Variants in ZNF829 observed in about 807,000 individuals in gnomAD.
The protein encoded by ZNF829 is zinc finger protein 829.
A neutral mutation model predicts 35.2 loss-of-function variants in ZNF829; 25 were observed. The ratio of observed to expected loss-of-function variants is 0.71; its 90% CI spans 0.52 to 0.99. The LOEUF is 0.99. ZNF829 is among the 50% of genes least tolerant of loss of function. The probability of loss-of-function intolerance (pLI) is 0.00; values close to 1 mark genes in which losing one functional copy is unlikely to be tolerated. For missense variants in ZNF829, 417 were observed against 515.3 expected, an observed-to-expected ratio of 0.81 and a Z score of 1.85; for synonymous variants, 136 against 163.2, an observed-to-expected ratio of 0.83 and a Z score of 1.27.
chr19:36,915,279 C>A, intron 1 of ZNF829, 28 bp from the exon 2 acceptor site: 1 of 1,588,156 alleles, frequency 6.3e-7, no homozygotes, highest in Non-Finnish European at 8.6e-7. Context: ...GAGTCACAAT[C>A]GCATAGTTGA....
rs2073027276 is a variant in ZNF829, at chr19:36,889,238, G to A, written c.*2254C>T. The A allele has an allele frequency of 6.6e-6, 1 of 152,064 alleles. No homozygotes were observed. Among genetic ancestry groups the A allele is most frequent in the Non-Finnish European group, 1.5e-5 (1 of 68,020 alleles). 9.4% of individuals were successfully genotyped at this position (152,064 alleles called of 1,614,324 possible). A position where few individuals can be genotyped will look rare whatever the true frequency, so the allele number is the denominator to read the frequency against. Reference sequence around the variant, plus strand: ...GATTTTTGTGTCTATTTTCATCAGGGATATTGGCTTGTAGTTTTTTTGTGT... The same window carrying A: ...GATTTTTGTGTCTATTTTCATCAGGAATATTGGCTTGTAGTTTTTTTGTGT... On this transcript the variant is annotated 3_prime_UTR_variant, in exon 6 of 6. Transcript: ENST00000391711.
intron 5 of ZNF829, chr19:36,892,879 C>T: frequency 8.6e-7 from 1 of 1,156,258 alleles, no homozygotes; most frequent in Non-Finnish European, 1.1e-6. Context: ...GCTTGTGGAG[C>T]TCCGACTGCA....
Position 36,916,267 on chromosome 19 carries a change from T to C in ZNF829, c.-341A>G. On this transcript the variant is annotated 5_prime_UTR_variant, in exon 1 of 6. Coordinates refer to ENST00000391711, the MANE Select transcript of ZNF829 (RefSeq NM_001037232.4). This position sits in a 1 kb window ranked among gnomAD's most constrained non-coding sequence, Gnocchi z 5.3. Reference sequence around the variant, plus strand: ...GGGGAACCCGGCCCAAGCCTCACCCTCACACAGGAAAGCAGATGTGTTCTG... The same window carrying C: ...GGGGAACCCGGCCCAAGCCTCACCCCCACACAGGAAAGCAGATGTGTTCTG... 1 of 303,922 alleles carries C rather than the reference T, an allele frequency of 3.3e-6. No individual in the cohort carries two copies. The highest frequency in any genetic ancestry group is 6.1e-6 in the Non-Finnish European group (1 of 164,112). 18.8% of individuals were successfully genotyped at this position (303,922 alleles called of 1,614,324 possible). A position where few individuals can be genotyped will look rare whatever the true frequency, so the allele number is the denominator to read the frequency against.
At chr19:36,908,786 A>C (rs926634523) in intron 3 of ZNF829, among the ~76,000 whole-genome samples, 6 of 152,226 alleles carry the variant, frequency 3.9e-5, no homozygotes, top group Non-Finnish European at 8.8e-5. Flanking sequence ...CAAAAATGAA[A>C]GTTTCTAAAA....
chr19:36,901,938 C>A (rs1192113341), intron 5 of ZNF829: 2 of 760,828 alleles, frequency 2.6e-6, no homozygotes, highest in Non-Finnish European at 4.9e-6. Flanking sequence ...CGCACTGATA[C>A]CAGGCTCAAC....
At chr19:36,897,744 T>C (rs569356525) in intron 5 of ZNF829, among the ~76,000 whole-genome samples, 17 of 152,326 alleles carry the variant, frequency 1.1e-4, no homozygotes, top group Non-Finnish European at 5.9e-5. Context: ...GATTGGATAA[T>C]AGAAAGTCAC....
chr19:36,907,120 T>G (rs976885027), intron 5 of ZNF829: 3 of 139,474 alleles, frequency 2.2e-5, no homozygotes, highest in Non-Finnish European at 4.5e-5. Flanking sequence ...AATGTATATA[T>G]ATATATATAT....
At chr19:36,901,952 G>C in intron 5 of ZNF829, 2 of 758,350 alleles carry the variant, frequency 2.6e-6, no homozygotes, top group Non-Finnish European at 4.9e-6. Context: ...GCTCAACAAA[G>C]CTGTCTGGGC....
chr19:36,891,243 TCA>T lies in ZNF829; in HGVS notation c.*247_*248del, dbSNP rs1244271470. 1 of 403,330 alleles carries T rather than the reference TCA, an allele frequency of 2.5e-6. No individual in the cohort carries two copies. The allele number at this position is 403,330 out of a possible 1,614,324, so 25.0% of individuals were successfully genotyped here. On this transcript the variant is annotated 3_prime_UTR_variant, in exon 6 of 6. Transcript: ENST00000391711. The stretch of plus-strand genomic sequence containing the variant: ...TAGGAAAAAGGCATAGAACAGATCC[TCA>T]GAGTCCTCAGAAGGAACCAAAACGA...
At chr19:36,910,545 TAGC>T (rs746862989) in intron 3 of ZNF829, among the ~76,000 whole-genome samples, 2 of 152,234 alleles carry the variant, frequency 1.3e-5, no homozygotes, top group Non-Finnish European at 2.9e-5. Flanking sequence ...ACCCTTATGG[TAGC>T]AGAAATTTCC....
intron 5 of ZNF829, among the ~76,000 whole-genome samples, chr19:36,893,959 C>A (rs928057345): frequency 6.6e-6 from 1 of 152,152 alleles, no homozygotes; most frequent in Non-Finnish European, 1.5e-5. Flanking sequence ...TCTTGCCTAC[C>A]TCTACAACCT....
intron 1 of ZNF829, 74 bp downstream of exon 1, chr19:36,915,937 T>C (rs1236303940): frequency 6.5e-7 from 1 of 1,535,440 alleles, no homozygotes; most frequent in Non-Finnish European, 8.7e-7. Flanking sequence ...TATCCTCACC[T>C]AAGCCCTTTC....
chr19:36,906,437 C>T (rs2073216160), intron 5 of ZNF829: 2 of 152,124 alleles, frequency 1.3e-5, no homozygotes, highest in African/African-American at 4.8e-5. Flanking sequence ...AGGCATGTCA[C>T]AGAACACACA....
chr19:36,892,488 A>G lies in ZNF829; in HGVS notation c.320-17T>C. 6.5e-7 allele frequency: 1 copy of G among 1,541,484 alleles called. No individual in the cohort carries two copies. Among genetic ancestry groups the G allele is most frequent in the Non-Finnish European group, 8.7e-7 (1 of 1,154,528 alleles). On this transcript the variant is annotated splice_polypyrimidine_tract_variant and intron_variant, in intron 5 of 5. Coordinates refer to ENST00000391711, the MANE Select transcript of ZNF829 (RefSeq NM_001037232.4). ...ATTCCAGATCTGAAAGAAAATACAA[A>G]GGCAAATAAATTTTCCTATTCTGGG...
chr19:36,899,724 C>T (rs944106331), intron 5 of ZNF829, among the ~76,000 whole-genome samples: 32 of 143,268 alleles, frequency 2.2e-4, no homozygotes, highest in African/African-American at 8.2e-4. Flanking sequence ...AGAAATTTGT[C>T]AGGAAAGTAG....
chr19:36,910,613 A>C (rs2073255894), intron 3 of ZNF829, among the ~76,000 whole-genome samples: 1 of 152,142 alleles, frequency 6.6e-6, no homozygotes, highest in Non-Finnish European at 1.5e-5. Flanking sequence ...CTTAGGCAAA[A>C]ATACTTTTAA....
chr19:36,907,115 A>AAAAAG (rs2073224309), intron 5 of ZNF829: 2 of 4,658 alleles, frequency 4.3e-4, no homozygotes, highest in East Asian at 6.5e-3. Context: ...AAAAAAATGT[A>AAAAAG]TATATATATA....
At chr19:36,909,125 T>C (rs955191217) in intron 3 of ZNF829, among the ~76,000 whole-genome samples, 1 of 151,938 alleles carries the variant, frequency 6.6e-6, no homozygotes, top group African/African-American at 2.4e-5. Context: ...AAAACTAACA[T>C]GAAAATGGTG....
chr19:36,899,790 T>G (rs1421512857), intron 5 of ZNF829, among the ~76,000 whole-genome samples: 1 of 151,228 alleles, frequency 6.6e-6, no homozygotes, highest in Non-Finnish European at 1.5e-5. Context: ...AAGATTATAG[T>G]TATTTGATAG....
Sources: allele counts gnomAD v4.1 joint callset (sites outside exome capture counted in the v4.1 genomes callset), GRCh38; gene constraint gnomAD v4.1.1; non-coding constraint Gnocchi (gnomAD v3.1); transcripts MANE v1.5; gene names NCBI Gene and HGNC (gene_info 2026-07-23, HGNC 2026-07-21).